The following DNM3 variants were observed in gnomAD, a reference collection of about 807,000 sequenced individuals.
DNM3 encodes the protein dynamin-3.
A neutral mutation model predicts 101.6 loss-of-function variants in DNM3; 47 were observed. The ratio of observed to expected loss-of-function variants is 0.46; its 90% confidence interval spans 0.37 to 0.59. DNM3 has a LOEUF of 0.59. Among genes scored for constraint, DNM3 ranks in the 20% least tolerant of loss-of-function variants. The pLI, the probability that DNM3 is intolerant of heterozygous loss-of-function variation, is 0.00. For synonymous variants in DNM3, 385 were observed against 387.9 expected, an observed-to-expected ratio of 0.99 and a Z score of 0.09; for missense variants, 849 against 1,085.7, an observed-to-expected ratio of 0.78 and a Z score of 3.06.
At chr1:171,908,500 TTCTA>T (rs760180532) in intron 1 of DNM3, among the ~76,000 whole-genome samples, 7 of 152,140 alleles carry the variant, frequency 4.6e-5, no homozygotes, top group Non-Finnish European at 8.8e-5. Flanking sequence ...ATCAGGAGAT[TTCTA>T]TCTTTTTTCC....
At chr1:172,251,086 T>C (rs1338765042) in intron 14 of DNM3, among the ~76,000 whole-genome samples, 1 of 152,180 alleles carries the variant, frequency 6.6e-6, no homozygotes, top group Admixed American at 6.6e-5. Context: ...CTAATCCCAG[T>C]TGAGCTACAT....
chr1:172,412,717 AC>A (rs1166415907), downstream of DNM3: 1 of 985,514 alleles, frequency 1.0e-6, no homozygotes, highest in East Asian at 1.1e-4. Context: ...CATTTGAAGG[AC>A]CCCTTTTCCT....
At chr1:172,218,333 C>T (rs2060779458) in intron 14 of DNM3, among the ~76,000 whole-genome samples, 2 of 151,716 alleles carry the variant, frequency 1.3e-5, no homozygotes, top group Admixed American at 1.3e-4. Flanking sequence ...GGATTATGTA[C>T]ATGAAGATTT....
chr1:172,256,461 A>G (rs368830952), intron 15 of DNM3, among the ~76,000 whole-genome samples: 3 of 151,924 alleles, frequency 2.0e-5, no homozygotes, highest in East Asian at 3.9e-4. Context: ...AACATTGTCC[A>G]TTCTGTTTTG....
chr1:172,131,204 C>A lies in DNM3; in HGVS notation c.1575C>A (p.Ser525Arg). The change falls in exon 14 of 21, where the codon AGC becomes AGA. Residue 525 changes from serine to arginine, a missense_variant. This residue lies in a region of DNM3 where 193 missense variants were observed against 238.4 expected (regional missense o/e 0.81). Coordinates refer to ENST00000627582, the MANE Select transcript of DNM3 (RefSeq NM_015569.5). ...TTCGCAAGGGGTGGCTCACCATCAG[C>A]AACATTGGCATCATGAAAGGCGGCT... is the stretch of plus-strand genomic sequence containing the variant. ...QVIRKGWLTI[S>R]NIGIMKGGSK... 6.2e-7 allele frequency: 1 copy of A among 1,613,392 alleles called. No individual in the cohort carries two copies. Among genetic ancestry groups the A allele is most frequent in the Non-Finnish European group, 8.5e-7 (1 of 1,179,602 alleles).
rs191248992 is a variant in DNM3, at chr1:171,944,439, G to T, written c.235+22618G>T. On this transcript the variant is annotated intron_variant, in intron 2 of 20. Transcript: ENST00000627582. ...CACCCAGGCTGGAGTATAGTGGCGG[G>T]ATCTCAGCTCACTGCAACCTCTGCT... Among the ~76,000 whole-genome samples, 11 of 150,252 alleles carry T rather than the reference G, an allele frequency of 7.3e-5. No homozygotes were observed. The East Asian group carries it at 2.0e-3, about 27-fold the overall frequency.
chr1:171,891,691 T>C (rs936420638), intron 1 of DNM3, among the ~76,000 whole-genome samples: 5 of 152,210 alleles, frequency 3.3e-5, no homozygotes, highest in Non-Finnish European at 5.9e-5. Flanking sequence ...AATTGAGATT[T>C]CTCTGATGTT....
In DNM3 at chr1:172,410,579, T is replaced by C. The variant is rs1166625433; in HGVS notation, c.*2738T>C. The stretch of plus-strand genomic sequence containing the variant: ...CATTTACTCAATTATGGACAGCTTA[T>C]TGAAATAGTATTGATTTAGAAAAAG... On this transcript the variant is annotated 3_prime_UTR_variant, in exon 21 of 21. Transcript: ENST00000627582. 6.1e-6 allele frequency: 6 copies of C among 984,694 alleles called. No individual in the cohort carries two copies. The highest frequency in any genetic ancestry group is 7.2e-6 in the Non-Finnish European group (6 of 829,382). 61.0% of individuals were successfully genotyped at this position (984,694 alleles called of 1,614,324 possible).
chr1:172,102,907 T>C (rs1201710887), intron 13 of DNM3, among the ~76,000 whole-genome samples: 1 of 152,208 alleles, frequency 6.6e-6, no homozygotes, highest in East Asian at 1.9e-4. Context: ...TGTTAATGTT[T>C]CTCACCAAAG....
At chr1:171,850,594 C>T (rs1238064197) in intron 1 of DNM3, among the ~76,000 whole-genome samples, 1 of 152,172 alleles carries the variant, frequency 6.6e-6, no homozygotes, top group Non-Finnish European at 1.5e-5. Flanking sequence ...GAGATTTCTG[C>T]ATTCTCATCT....
intron 14 of DNM3, among the ~76,000 whole-genome samples, chr1:172,149,570 G>A (rs1465850198): frequency 1.3e-5 from 2 of 152,144 alleles, no homozygotes; most frequent in Non-Finnish European, 2.9e-5. Context: ...AAGCTGACAA[G>A]CATCATCTGA....
At chr1:172,313,679 A>T (rs771232259) in intron 16 of DNM3, among the ~76,000 whole-genome samples, 25 of 152,188 alleles carry the variant, frequency 1.6e-4, no homozygotes, top group Non-Finnish European at 3.5e-4. Context: ...CCTTCCTCAG[A>T]GTGACTTTAT....
At chr1:171,971,979 G>T (rs2044028774) in intron 2 of DNM3, among the ~76,000 whole-genome samples, 1 of 152,148 alleles carries the variant, frequency 6.6e-6, no homozygotes, top group South Asian at 2.1e-4. Context: ...ACTGAACGAG[G>T]AAAAGAACAC....
chr1:171,933,403 G>T (rs1165808824), intron 2 of DNM3, among the ~76,000 whole-genome samples: 1 of 152,108 alleles, frequency 6.6e-6, no homozygotes, highest in Non-Finnish European at 1.5e-5. Context: ...ATTACTAGGT[G>T]CCAGGCAAAT....
At chr1:172,148,147 A>G (rs1162969149) in intron 14 of DNM3, among the ~76,000 whole-genome samples, 2 of 152,074 alleles carry the variant, frequency 1.3e-5, no homozygotes, top group East Asian at 1.9e-4. Flanking sequence ...TATAGTGCTT[A>G]TATTTCCTGT....
At chr1:172,225,905 A>G (rs1008265473) in intron 14 of DNM3, among the ~76,000 whole-genome samples, 1 of 151,812 alleles carries the variant, frequency 6.6e-6, no homozygotes, top group Non-Finnish European at 1.5e-5. Context: ...TATTTGTGCC[A>G]TTCTACAATT....
At chr1:172,183,738 C>G (rs1336183382) in intron 14 of DNM3, among the ~76,000 whole-genome samples, 4 of 146,734 alleles carry the variant, frequency 2.7e-5, no homozygotes, top group Non-Finnish European at 6.0e-5. Flanking sequence ...GTAGCTAGGA[C>G]TACAGGGTTG....
chr1:172,147,442 AGTT>A (rs2057955888), intron 14 of DNM3, among the ~76,000 whole-genome samples: 1 of 152,130 alleles, frequency 6.6e-6, no homozygotes, highest in African/African-American at 2.4e-5. Flanking sequence ...TTATTTCAAA[AGTT>A]GTTGACCAAA....
intron 2 of DNM3, among the ~76,000 whole-genome samples, chr1:171,963,767 C>CAT (rs1558336149): frequency 5.9e-5 from 8 of 135,188 alleles, no homozygotes; most frequent in Admixed American, 3.7e-4. Flanking sequence ...ATATAGATAA[C>CAT]GTATATATAT....
Sources: gnomAD v4.1 joint callset for allele counts (sites outside exome capture counted in the v4.1 genomes callset) on GRCh38, gnomAD v4.1.1 for gene constraint, gnomAD v4.1.1 regional missense constraint, MANE v1.5 for transcripts, NCBI Gene and HGNC (gene_info 2026-07-23, HGNC 2026-07-21) for gene names.